Variants in MGAT5B observed in about 807,000 individuals in gnomAD.
MGAT5B encodes N-acetylglucosaminyl-transferase Vb.
A neutral mutation model predicts 95.1 loss-of-function variants in MGAT5B; 54 were observed. The observed-to-expected ratio is 0.57, with a 90% CI of 0.46 to 0.71. The LOEUF (loss-of-function observed/expected upper bound fraction) is 0.71, where lower values mean the gene tolerates loss of function less well. Ranked by LOEUF, MGAT5B falls within the 30% of genes least tolerant of loss-of-function variation. The pLI, the probability that MGAT5B is intolerant of heterozygous loss-of-function variation, is 0.00. For missense variants in MGAT5B, 935 were observed against 1,088.6 expected (o/e 0.86, Z 1.99); for synonymous variants, 464 against 451.0 (o/e 1.03, Z -0.36).
At chr17:76,922,985 C>T (rs1969166319) in intron 8 of MGAT5B, among the ~76,000 whole-genome samples, 1 of 152,192 alleles carries the variant, frequency 6.6e-6, no homozygotes, top group African/African-American at 2.4e-5. Flanking sequence ...TGCTGCCCTT[C>T]TCTGCAGGGC....
rs1050801493 is a variant in MGAT5B, at chr17:76,912,776, T to C, written c.1025+6589T>C. The stretch of plus-strand genomic sequence containing the variant: ...GCTCTGTGATGAGACTGCAGCAAGG[T>C]GATGTCAGCCAGTCCCCGCCCGCGC... On this transcript the variant is annotated intron_variant, in intron 8 of 17. Transcript: ENST00000569840. This position sits in a 1 kb window ranked among gnomAD's most constrained non-coding sequence, Gnocchi z 5.0. 6.6e-6 allele frequency among the ~76,000 whole-genome samples: 1 copy of C among 151,888 alleles called. No homozygotes were observed. Among genetic ancestry groups the C allele is most frequent in the East Asian group, 1.9e-4 (1 of 5,158 alleles).
rs780679033 is a variant in MGAT5B at position 76,902,623 on chromosome 17, T to G, written c.398T>G (p.Val133Gly). 6.0e-5 allele frequency: 97 copies of G among 1,603,576 alleles called. No individual in the cohort carries two copies. The highest frequency in any genetic ancestry group is 7.7e-5 in the Non-Finnish European group (90 of 1,175,002). Reference protein sequence around the residue: ...AIAQNVSDIAVKVDQILRHSL... With the variant: ...AIAQNVSDIAGKVDQILRHSL... ...GCCCAGAACGTCTCCGACATCGCTGTGAAGGTGGACCAGATCCTGCGCCAC... is the reference window on the plus strand; with the variant it reads ...GCCCAGAACGTCTCCGACATCGCTGGGAAGGTGGACCAGATCCTGCGCCAC... Residue 133 changes from valine (V) to glycine (G), a missense_variant, in exon 4 of 18, where the codon GTG (valine) becomes GGG (glycine). Val to Gly is a moderately radical substitution (Grantham distance 109). Coordinates refer to ENST00000569840, the MANE Select transcript of MGAT5B (RefSeq NM_001199172.2).
chr17:76,929,205 T>G (rs1969409098), intron 10 of MGAT5B, among the ~76,000 whole-genome samples: 1 of 152,164 alleles, frequency 6.6e-6, no homozygotes, highest in East Asian at 1.9e-4. Flanking sequence ...CCTGTCGGAC[T>G]GCAGGTGGCC....
intron 8 of MGAT5B, among the ~76,000 whole-genome samples, chr17:76,920,534 C>T (rs1310321593): frequency 6.6e-6 from 1 of 152,216 alleles, no homozygotes; most frequent in African/African-American, 2.4e-5. Context: ...CAGCTGACCT[C>T]TCTGCTCTCC....
intron 12 of MGAT5B, among the ~76,000 whole-genome samples, chr17:76,933,627 C>T (rs187643392): frequency 2.3e-3 from 345 of 152,240 alleles, no homozygotes; most frequent in Non-Finnish European, 3.5e-3. Context: ...AGGTTAATAA[C>T]GAAGCTACTG....
chr17:76,882,407 A>C (rs1172467699), intron 3 of MGAT5B, 109 bp downstream of exon 3: 1 of 1,364,248 alleles, frequency 7.3e-7, no homozygotes, highest in African/African-American at 1.4e-5. Context: ...GAAGATTTGG[A>C]CCACACTGTG....
intron 10 of MGAT5B, among the ~76,000 whole-genome samples, chr17:76,929,156 G>C (rs1969407463): frequency 1.3e-5 from 2 of 152,190 alleles, no homozygotes; most frequent in African/African-American, 2.4e-5. Flanking sequence ...GTGAGCCACT[G>C]TGCCCAGCCA....
intron 3 of MGAT5B, among the ~76,000 whole-genome samples, chr17:76,897,721 CT>C (rs1968137863): frequency 2.6e-5 from 2 of 78,108 alleles, no homozygotes; most frequent in South Asian, 8.8e-4. Flanking sequence ...TTCTTTCTTT[CT>C]TTCTTTTTCT....
intron 3 of MGAT5B, among the ~76,000 whole-genome samples, chr17:76,888,743 G>A (rs1967757674): frequency 6.6e-6 from 1 of 152,110 alleles, no homozygotes. Flanking sequence ...GTTGAGGATT[G>A]GGGCCTGCGA....
chr17:76,869,667 A>C lies in MGAT5B; in HGVS notation c.68+570A>C, dbSNP rs958996841. Among the ~76,000 whole-genome samples the C allele has an allele frequency of 6.6e-6, 1 of 152,210 alleles. No individual in the cohort carries two copies. Among genetic ancestry groups the C allele is most frequent in the Admixed American group, 6.5e-5 (1 of 15,288 alleles). On this transcript the variant is annotated intron_variant, in intron 1 of 17. Transcript: ENST00000569840. The surrounding 1 kb of genome is among the most constrained non-coding windows in gnomAD (Gnocchi z 7.0). ...CCGAGATTAGAGCGAGGACTCGCTC[A>C]TCCCAGGATTCGCCCCCGATCGCAG...
chr17:76,870,369 G>T lies in MGAT5B; in HGVS notation c.68+1272G>T, dbSNP rs1966965270. Among the ~76,000 whole-genome samples, 1 of 152,138 alleles carries T rather than the reference G, an allele frequency of 6.6e-6. No individual in the cohort carries two copies. Among genetic ancestry groups the T allele is most frequent in the South Asian group, 2.1e-4 (1 of 4,834 alleles). On this transcript the variant is annotated intron_variant, in intron 1 of 17. Coordinates refer to ENST00000569840, the MANE Select transcript of MGAT5B (RefSeq NM_001199172.2). The surrounding 1 kb of genome is among the most constrained non-coding windows in gnomAD (Gnocchi z 5.0). ...GTGGGTGGTGATGGGGGCGTCGGGA[G>T]CCCATGGGAAGCAGGGCGGGAAGCA...
Position 76,903,295 on chromosome 17 carries a change from C to A in MGAT5B, c.446-8C>A, listed in dbSNP as rs1189600877. 1 of 1,609,550 alleles carries A rather than the reference C, an allele frequency of 6.2e-7. No homozygotes were observed. The highest frequency in any genetic ancestry group is 1.7e-5 in the Admixed American group (1 of 59,582). On this transcript the variant is annotated splice_polypyrimidine_tract_variant and splice_region_variant and intron_variant, in intron 4 of 17. Transcript: ENST00000569840. ...CAGGGACTTCAGCAAGGTGACCTCT[C>A]CCTACAGTGTCAGAAGGCCGGCGGG... is the stretch of plus-strand genomic sequence containing the variant.
intron 15 of MGAT5B, among the ~76,000 whole-genome samples, chr17:76,944,517 A>G (rs1969974667): frequency 6.6e-6 from 1 of 152,156 alleles, no homozygotes; most frequent in Non-Finnish European, 1.5e-5. Flanking sequence ...TGGGGCAGCA[A>G]CTGGCTGCCA....
chr17:76,932,355 A>G (rs1319309086), intron 10 of MGAT5B, among the ~76,000 whole-genome samples: 1 of 152,022 alleles, frequency 6.6e-6, no homozygotes, highest in African/African-American at 2.4e-5. Flanking sequence ...GGTGGTCTCA[A>G]ACTCCTGGGC....
chr17:76,919,585 A>G (rs1969058967), intron 8 of MGAT5B, among the ~76,000 whole-genome samples: 1 of 152,138 alleles, frequency 6.6e-6, no homozygotes, highest in East Asian at 1.9e-4. Context: ...GCATGCCACC[A>G]TGCCCGGCTA....
At chr17:76,885,962 C>G (rs1033692507) in intron 3 of MGAT5B, among the ~76,000 whole-genome samples, 4 of 152,106 alleles carry the variant, frequency 2.6e-5, no homozygotes, top group Non-Finnish European at 4.4e-5. Context: ...AAAAAAAACA[C>G]GTCCCCTGTT....
rs1437550295 is a variant in MGAT5B, at chr17:76,869,778, G to A, written c.68+681G>A. Among the ~76,000 whole-genome samples, 4 of 152,164 alleles carry A rather than the reference G, an allele frequency of 2.6e-5. No homozygotes were observed. The highest frequency in any genetic ancestry group is 4.4e-5 in the Non-Finnish European group (3 of 68,006). On this transcript the variant is annotated intron_variant, in intron 1 of 17. Coordinates refer to ENST00000569840, the MANE Select transcript of MGAT5B (RefSeq NM_001199172.2). This position sits in a 1 kb window ranked among gnomAD's most constrained non-coding sequence, Gnocchi z 7.0. Reference sequence around the variant, plus strand: ...CTGCGGCGGAGCGTGGTGGGCGGGCGGTGGCGAAGGCGACACGCTTCGGGC... The same window carrying A: ...CTGCGGCGGAGCGTGGTGGGCGGGCAGTGGCGAAGGCGACACGCTTCGGGC...
intron 10 of MGAT5B, among the ~76,000 whole-genome samples, chr17:76,929,169 G>A (rs948550678): frequency 6.6e-6 from 1 of 152,128 alleles, no homozygotes; most frequent in African/African-American, 2.4e-5. Flanking sequence ...CCCAGCCAGG[G>A]CAACATTTTT....
At chr17:76,907,203 G>A (rs868664687) in intron 8 of MGAT5B, among the ~76,000 whole-genome samples, 5 of 151,840 alleles carry the variant, frequency 3.3e-5, no homozygotes, top group Admixed American at 1.3e-4. Context: ...GGCCCACGCC[G>A]CCACGCCAGG....
Sources: allele counts gnomAD v4.1 joint callset (sites outside exome capture counted in the v4.1 genomes callset), GRCh38; gene constraint gnomAD v4.1.1; non-coding constraint Gnocchi (gnomAD v3.1); transcripts MANE v1.5; gene names NCBI Gene and HGNC (gene_info 2026-07-23, HGNC 2026-07-21).